PTPRK: variants seen among roughly 807,000 people sequenced by gnomAD.
PTPRK encodes the protein protein tyrosine phosphatase receptor type K, also known as receptor-type tyrosine-protein phosphatase kappa.
In PTPRK, 75 loss-of-function variants were observed where a neutral mutation model predicts 178.0. The observed-to-expected ratio is 0.42, with a 90% CI of 0.35 to 0.51. The LOEUF (loss-of-function observed/expected upper bound fraction) is 0.51. Among genes scored for constraint, PTPRK ranks in the 20% least tolerant of loss-of-function variants. The pLI is 0.02. For synonymous variants in PTPRK, 637 were observed against 620.6 expected, an observed-to-expected ratio of 1.03 and a Z score of -0.39; for missense variants, 1,441 against 1,797.8, an observed-to-expected ratio of 0.80 and a Z score of 3.59.
chr6:128,279,697 A>C (rs142025070), intron 3 of PTPRK, among the ~76,000 whole-genome samples: 1,663 of 152,304 alleles, frequency 0.011, 18 homozygotes, highest in Middle Eastern at 0.031. Context: ...TGTATCCCCA[A>C]AGTGAAGATT....
rs538943294 is a variant in PTPRK at position 128,464,585 on chromosome 6, CTTTA to C, written c.100+55670_100+55673del. Among the ~76,000 whole-genome samples, 529 of 132,234 alleles carry C rather than the reference CTTTA, an allele frequency of 4.0e-3. 7 individuals carry two copies. The highest frequency in any genetic ancestry group is 0.014 in the South Asian group (56 of 4,080). The allele number at this position is 132,234 out of a possible 152,430, so 86.8% of individuals were successfully genotyped here. Reference sequence around the variant, plus strand: ...TATTTCACCAGGAGCCATCTAAAGCCTTTATTTTAGTTTAAATATATATATATAC... The same window carrying C: ...TATTTCACCAGGAGCCATCTAAAGCCTTTTAGTTTAAATATATATATATAC... On this transcript the variant is annotated intron_variant, in intron 1 of 29. Coordinates refer to ENST00000368226, the MANE Select transcript of PTPRK (RefSeq NM_002844.4).
At chr6:128,231,773 G>A (rs1051309695) in intron 5 of PTPRK, among the ~76,000 whole-genome samples, 5 of 152,226 alleles carry the variant, frequency 3.3e-5, no homozygotes, top group Admixed American at 6.5e-5. Flanking sequence ...AGACAAATGC[G>A]CTCCAAAACT....
In PTPRK at chr6:127,998,835, G is replaced by A. The variant is rs747139450; in HGVS notation, c.2564C>T (p.Thr855Met). 7 of 1,608,550 alleles carry A rather than the reference G, an allele frequency of 4.4e-6. No homozygotes were observed. The highest frequency in any genetic ancestry group is 4.5e-5 in the East Asian group (2 of 44,654). The part of the protein sequence containing the change: ...LDVPRYLCEG[T>M]ESPYQTGQLH... Reference sequence around the variant, plus strand: ...CTGTCCTGTCTGGTAAGGGGATTCCGTCCCCTCACAGAGGTAGCGAGGTAC... The same window carrying A: ...CTGTCCTGTCTGGTAAGGGGATTCCATCCCCTCACAGAGGTAGCGAGGTAC... Residue 855 changes from threonine to methionine, a missense_variant, in exon 16 of 30, where the codon ACG becomes ATG. Thr to Met is a moderately conservative substitution (Grantham distance 81). Coordinates refer to ENST00000368226, the MANE Select transcript of PTPRK (RefSeq NM_002844.4).
intron 7 of PTPRK, among the ~76,000 whole-genome samples, chr6:128,182,559 G>T (rs1426602848): frequency 6.6e-6 from 1 of 152,102 alleles, no homozygotes; most frequent in Admixed American, 6.6e-5. Flanking sequence ...GGACAATAGA[G>T]CAAGACAAAA....
chr6:128,169,433 A>T (rs1317621698), intron 7 of PTPRK, among the ~76,000 whole-genome samples: 1 of 152,034 alleles, frequency 6.6e-6, no homozygotes, highest in Non-Finnish European at 1.5e-5. Flanking sequence ...ATTCATGCTT[A>T]TTGCTATAGA....
chr6:128,192,045 T>C (rs1457054768), intron 6 of PTPRK, among the ~76,000 whole-genome samples: 2 of 152,186 alleles, frequency 1.3e-5, no homozygotes, highest in Non-Finnish European at 2.9e-5. Context: ...AAATAATTTA[T>C]GTATCAAGAA....
intron 5 of PTPRK, among the ~76,000 whole-genome samples, chr6:128,224,802 G>A (rs1175302902): frequency 6.6e-6 from 1 of 152,084 alleles, no homozygotes; most frequent in African/African-American, 2.4e-5. Flanking sequence ...TTTTCTTACT[G>A]TCATGCCAAA....
intron 6 of PTPRK, among the ~76,000 whole-genome samples, chr6:128,206,406 T>TAAA (rs60030807): frequency 3.6e-4 from 44 of 120,584 alleles, no homozygotes; most frequent in African/African-American, 1.3e-3. Flanking sequence ...GGGTGTTCAT[T>TAAA]AAAAAAAAAA....
At chr6:128,494,027 G>A (rs1385365002) in intron 1 of PTPRK, among the ~76,000 whole-genome samples, 4 of 152,080 alleles carry the variant, frequency 2.6e-5, no homozygotes, top group East Asian at 1.9e-4. Flanking sequence ...ATTGGTTAAC[G>A]TTAAATATAG....
At chr6:127,995,131 A>G in intron 18 of PTPRK, 2 of 1,008,592 alleles carry the variant, frequency 2.0e-6, no homozygotes, top group South Asian at 2.8e-5. Flanking sequence ...TATTGTATGA[A>G]GCTAATTAGG....
chr6:128,343,867 C>G (rs1832026846), intron 2 of PTPRK, among the ~76,000 whole-genome samples: 1 of 152,160 alleles, frequency 6.6e-6, no homozygotes, highest in Non-Finnish European at 1.5e-5. Context: ...TAAGAAACAT[C>G]TGCAATTTTG....
At chr6:128,453,861 A>G (rs1848088390) in intron 1 of PTPRK, among the ~76,000 whole-genome samples, 1 of 152,206 alleles carries the variant, frequency 6.6e-6, no homozygotes. Context: ...AAACTGATAC[A>G]TAAGGAAGAA....
chr6:128,165,905 A>C (rs1258865176), intron 7 of PTPRK, among the ~76,000 whole-genome samples: 1 of 151,674 alleles, frequency 6.6e-6, no homozygotes, highest in Non-Finnish European at 1.5e-5. Context: ...TACGTAAAAA[A>C]CATTTAAAAC....
intron 7 of PTPRK, among the ~76,000 whole-genome samples, chr6:128,137,641 T>C (rs529310813): frequency 5.9e-5 from 9 of 152,218 alleles, no homozygotes; most frequent in East Asian, 1.9e-4. Flanking sequence ...CCACTTAAAA[T>C]AGAAATCTCA....
intron 10 of PTPRK, among the ~76,000 whole-genome samples, chr6:128,079,836 T>C (rs1424023386): frequency 6.6e-6 from 1 of 151,958 alleles, no homozygotes; most frequent in Non-Finnish European, 1.5e-5. Context: ...TGGCCAAAAG[T>C]GGAAGACCAT....
At chr6:128,515,701 C>T (rs111299799) in intron 1 of PTPRK, among the ~76,000 whole-genome samples, 8 of 150,794 alleles carry the variant, frequency 5.3e-5, no homozygotes, top group Admixed American at 6.6e-5. Context: ...CACACATACA[C>T]GTGCACACAC....
intron 1 of PTPRK, chr6:128,501,167 G>A (rs1330232341): frequency 6.6e-6 from 1 of 152,170 alleles, no homozygotes; most frequent in Non-Finnish European, 1.5e-5. Context: ...ATGAGCCACT[G>A]TGCCCAGCCT....
chr6:128,480,153 T>C (rs1851880238), intron 1 of PTPRK, among the ~76,000 whole-genome samples: 2 of 152,166 alleles, frequency 1.3e-5, no homozygotes, highest in Admixed American at 1.3e-4. Context: ...CTCATTGTTC[T>C]CATCCACTTT....
intron 1 of PTPRK, among the ~76,000 whole-genome samples, chr6:128,426,450 C>T (rs895220061): frequency 6.6e-6 from 1 of 152,164 alleles, no homozygotes; most frequent in Admixed American, 6.5e-5. Context: ...GAAGCATCAT[C>T]TGGACCTTAT....
Sources: allele counts gnomAD v4.1 joint callset (sites outside exome capture counted in the v4.1 genomes callset), GRCh38; gene constraint gnomAD v4.1.1; transcripts MANE v1.5; gene names NCBI Gene and HGNC (gene_info 2026-07-23, HGNC 2026-07-21).